Variants in CYP2C19 observed in about 807,000 individuals in gnomAD.
CYP2C19 encodes cytochrome P450 2C19.
In CYP2C19, 59 loss-of-function variants were observed where a neutral mutation model predicts 40.9. The observed-to-expected ratio is 1.44, with a 90% confidence interval of 1.17 to 1.79. CYP2C19 has a LOEUF of 1.79. Among genes scored for constraint, CYP2C19 ranks in the 40% most tolerant of loss-of-function variants. The probability of loss-of-function intolerance (pLI) is 0.00; values close to 1 mark genes in which losing one functional copy is unlikely to be tolerated. For synonymous variants in CYP2C19, 253 were observed against 208.7 expected (o/e 1.21, Z -1.83); for missense variants, 754 against 596.9 (o/e 1.26, Z -2.74).
At chr10:94,792,011 G>C (rs1332958315) in intron 5 of CYP2C19, among the ~76,000 whole-genome samples, 1 of 152,054 alleles carries the variant, frequency 6.6e-6, no homozygotes, top group Non-Finnish European at 1.5e-5. Context: ...TCTCTTTGTA[G>C]GTCTCTAAGG....
At chr10:94,781,329 A>G (rs929841640) in intron 4 of CYP2C19, among the ~76,000 whole-genome samples, 5 of 152,274 alleles carry the variant, frequency 3.3e-5, no homozygotes, top group East Asian at 3.9e-4. Context: ...GCTCTGGTGC[A>G]CAGTTGGAAT....
intron 7 of CYP2C19, among the ~76,000 whole-genome samples, chr10:94,844,805 G>C (rs1005026490): frequency 2.0e-5 from 3 of 152,160 alleles, no homozygotes; most frequent in Admixed American, 2.0e-4. Flanking sequence ...GGGTCTGAGG[G>C]TAATAGTAAT....
chr10:94,807,609 T>C (rs910661858), intron 5 of CYP2C19, among the ~76,000 whole-genome samples: 1 of 152,160 alleles, frequency 6.6e-6, no homozygotes, highest in African/African-American at 2.4e-5. Flanking sequence ...GATATCTCAT[T>C]GTGGCTTTGA....
intron 3 of CYP2C19, 174 bp downstream of exon 3, chr10:94,775,713 G>A (rs1459430110): frequency 1.1e-5 from 11 of 1,022,004 alleles, no homozygotes; most frequent in Admixed American, 4.4e-5. Flanking sequence ...TTTGTGCTGT[G>A]TGTGTACAGG....
chr10:94,786,782 G>T (rs1848548006), intron 5 of CYP2C19, among the ~76,000 whole-genome samples: 1 of 151,974 alleles, frequency 6.6e-6, no homozygotes, highest in African/African-American at 2.4e-5. Context: ...ATTTTCTGTT[G>T]CTGCATTAAT....
At position 94,816,175 on chromosome 10, in the gene CYP2C19, G is replaced by A. The variant is rs553729512; in HGVS notation, c.820-4321G>A. Among the ~76,000 whole-genome samples, 3 of 151,978 alleles carry A rather than the reference G, an allele frequency of 2.0e-5. No individual in the cohort carries two copies. In the South Asian group the frequency reaches 6.2e-4, roughly 32 times the overall value. On this transcript the variant is annotated intron_variant, in intron 5 of 8. Coordinates refer to ENST00000371321, the MANE Select transcript of CYP2C19 (RefSeq NM_000769.4). The stretch of plus-strand genomic sequence containing the variant: ...GAATTTTTAAGCAAGCATGGAATAA[G>A]GGGGTAGGAAATAAAGTTTGGGCCA...
At chr10:94,844,107 C>T (rs1849538284) in intron 7 of CYP2C19, among the ~76,000 whole-genome samples, 1 of 146,368 alleles carries the variant, frequency 6.8e-6, no homozygotes, top group Non-Finnish European at 1.5e-5. Context: ...ATTAGGCCAG[C>T]CTTATAAAAC....
At chr10:94,772,813 C>CG (rs1364163926) in intron 1 of CYP2C19, among the ~76,000 whole-genome samples, 4 of 152,128 alleles carry the variant, frequency 2.6e-5, no homozygotes, top group African/African-American at 9.7e-5. Flanking sequence ...CTCGCTCTGT[C>CG]GCCCAGGCCG....
chr10:94,763,228 T>C (rs1250033244), intron 1 of CYP2C19, among the ~76,000 whole-genome samples: 1 of 152,168 alleles, frequency 6.6e-6, no homozygotes, highest in Non-Finnish European at 1.5e-5. Context: ...ATAAGTCCTC[T>C]ACTATATTAG....
chr10:94,852,839 C>A lies in CYP2C19; in HGVS notation c.1398C>A (p.Asp466Glu), dbSNP rs375283723. Reference protein sequence around the residue: ...FNLKSLIDPKDLDTTPVVNGF... With the variant: ...FNLKSLIDPKELDTTPVVNGF... ...TGAAATCTCTGATTGACCCAAAGGA[C>A]CTTGACACAACTCCTGTTGTCAATG... The change falls in exon 9 of 9, where the codon GAC becomes GAA. Residue 466 changes from aspartate (D) to glutamate (E), a missense_variant. Physicochemically the swap from Asp to Glu is conservative, Grantham distance 45. Coordinates refer to ENST00000371321, the MANE Select transcript of CYP2C19 (RefSeq NM_000769.4). 8 of 1,613,990 alleles carry A rather than the reference C, an allele frequency of 5.0e-6. No homozygotes were observed. In the African/African-American group the frequency reaches 5.3e-5, roughly 11 times the overall value.
chr10:94,843,969 A>G (rs1187965973), intron 7 of CYP2C19, among the ~76,000 whole-genome samples: 1 of 152,228 alleles, frequency 6.6e-6, no homozygotes, highest in Non-Finnish European at 1.5e-5. Context: ...ATAAATATAA[A>G]TAGAAATAAG....
chr10:94,854,413 G>T lies in CYP2C19; in HGVS notation c.*1499G>T, dbSNP rs1429667969. The stretch of plus-strand genomic sequence containing the variant: ...AACATTAGTGGGATGATAATTTTAT[G>T]CTATTGTCCTAATATAATTAGCCTC... On this transcript the variant is annotated 3_prime_UTR_variant, in exon 9 of 9. Coordinates refer to ENST00000371321, the MANE Select transcript of CYP2C19 (RefSeq NM_000769.4). Among the ~76,000 whole-genome samples, 2 of 151,976 alleles carry T rather than the reference G, an allele frequency of 1.3e-5. No individual in the cohort carries two copies. The highest frequency in any genetic ancestry group is 2.9e-5 in the Non-Finnish European group (2 of 67,998).
chr10:94,839,228 G>A (rs1849452375), intron 6 of CYP2C19, among the ~76,000 whole-genome samples: 2 of 151,928 alleles, frequency 1.3e-5, no homozygotes, highest in African/African-American at 2.4e-5. Flanking sequence ...TGACCACAAA[G>A]AAAGGGGCCC....
intron 5 of CYP2C19, among the ~76,000 whole-genome samples, chr10:94,785,500 A>T (rs1440934396): frequency 2.0e-5 from 3 of 152,136 alleles, no homozygotes; most frequent in African/African-American, 7.2e-5. Flanking sequence ...TCTTGATTTC[A>T]GTTTTATTCC....
At chr10:94,810,279 G>C (rs1589362727) in intron 5 of CYP2C19, among the ~76,000 whole-genome samples, 1 of 152,200 alleles carries the variant, frequency 6.6e-6, no homozygotes, top group Non-Finnish European at 1.5e-5. Context: ...GCTGGATTCA[G>C]TTTGCCAGTA....
At chr10:94,816,684 C>T (rs549009651) in intron 5 of CYP2C19, among the ~76,000 whole-genome samples, 2 of 149,174 alleles carry the variant, frequency 1.3e-5, no homozygotes, top group East Asian at 4.0e-4. Flanking sequence ...CCCACTAACT[C>T]GTCATCTAGC....
chr10:94,788,310 G>T (rs1589352558), intron 5 of CYP2C19, among the ~76,000 whole-genome samples: 1 of 152,040 alleles, frequency 6.6e-6, no homozygotes, highest in South Asian at 2.1e-4. Context: ...CCTGAGATGG[G>T]TCTTCTAGGT....
chr10:94,772,648 C>A (rs1848350811), intron 1 of CYP2C19, among the ~76,000 whole-genome samples: 1 of 152,200 alleles, frequency 6.6e-6, no homozygotes. Context: ...TGGCGCAGCC[C>A]AGAAATACAG....
chr10:94,850,807 G>A (rs1007304698), intron 8 of CYP2C19, among the ~76,000 whole-genome samples: 1 of 152,158 alleles, frequency 6.6e-6, no homozygotes, highest in African/African-American at 2.4e-5. Flanking sequence ...AATAACCATG[G>A]ATGGGATCAG....
Sources: allele counts gnomAD v4.1 joint callset (sites outside exome capture counted in the v4.1 genomes callset), GRCh38; gene constraint gnomAD v4.1.1; transcripts MANE v1.5; gene names NCBI Gene and HGNC (gene_info 2026-07-23, HGNC 2026-07-21).